BNC2: variants seen among roughly 807,000 people sequenced by gnomAD.
BNC2 encodes zinc finger protein basonuclin-2.
In BNC2, 20 loss-of-function variants were observed where a neutral mutation model predicts 76.3. That is an observed-to-expected ratio of 0.26 (90% CI 0.18 to 0.38). BNC2 has a LOEUF of 0.38. BNC2 is among the 10% of genes least tolerant of loss of function. The probability of loss-of-function intolerance (pLI) is 1.00; values close to 1 mark genes in which losing one functional copy is unlikely to be tolerated. For synonymous variants in BNC2, 582 were observed against 514.8 expected (o/e 1.13, Z -1.77); for missense variants, 1,382 against 1,399.8 (o/e 0.99, Z 0.20).
intron 1 of BNC2, among the ~76,000 whole-genome samples, chr9:16,865,682 C>G (rs887423152): frequency 2.6e-5 from 4 of 151,694 alleles, no homozygotes; most frequent in Non-Finnish European, 5.9e-5. Flanking sequence ...GAAAATAGAG[C>G]AAAAAGAACA....
intron 3 of BNC2, among the ~76,000 whole-genome samples, chr9:16,591,241 T>C (rs893778872): frequency 5.3e-5 from 8 of 152,194 alleles, no homozygotes; most frequent in African/African-American, 1.9e-4. Flanking sequence ...TAAGCTTACT[T>C]AAGACCAGCA....
At chr9:16,684,591 A>G (rs1364676581) in intron 3 of BNC2, among the ~76,000 whole-genome samples, 1 of 152,110 alleles carries the variant, frequency 6.6e-6, no homozygotes, top group Non-Finnish European at 1.5e-5. Context: ...CTAAATCAGT[A>G]AAAACGTTTT....
intron 4 of BNC2, among the ~76,000 whole-genome samples, chr9:16,553,567 A>T (rs1818730006): frequency 6.6e-6 from 1 of 152,260 alleles, no homozygotes; most frequent in Admixed American, 6.5e-5. Flanking sequence ...CAAATGACAA[A>T]CCAACATTTG....
intron 5 of BNC2, among the ~76,000 whole-genome samples, chr9:16,449,381 G>A (rs1036392375): frequency 7.9e-5 from 12 of 152,042 alleles, no homozygotes; most frequent in Non-Finnish European, 1.5e-4. Flanking sequence ...TCCCCCTAGC[G>A]CTTTGACAGA....
chr9:16,538,955 A>G (rs958177650), intron 5 of BNC2, among the ~76,000 whole-genome samples: 1 of 152,118 alleles, frequency 6.6e-6, no homozygotes, highest in African/African-American at 2.4e-5. Context: ...CCTTTCCCTT[A>G]ATTTAGCCTG....
At chr9:16,555,381 G>T (rs2132582439) in intron 4 of BNC2, among the ~76,000 whole-genome samples, 1 of 152,210 alleles carries the variant, frequency 6.6e-6, no homozygotes, top group Non-Finnish European at 1.5e-5. Flanking sequence ...GAAGAAAAGA[G>T]AATTAAAAGA....
chr9:16,526,530 G>C (rs1425579219), intron 5 of BNC2, among the ~76,000 whole-genome samples: 1 of 122,484 alleles, frequency 8.2e-6, no homozygotes, highest in Admixed American at 1.1e-4. Flanking sequence ...CATTTCCTGA[G>C]CCACGTCTGA....
chr9:16,598,032 T>C (rs1264494912), intron 3 of BNC2, among the ~76,000 whole-genome samples: 1 of 152,000 alleles, frequency 6.6e-6, no homozygotes, highest in Non-Finnish European at 1.5e-5. Context: ...GCCTGAAGAG[T>C]AAGAACCATA....
chr9:16,541,023 C>A (rs764065103), intron 5 of BNC2, among the ~76,000 whole-genome samples: 2 of 152,186 alleles, frequency 1.3e-5, no homozygotes, highest in Non-Finnish European at 2.9e-5. Context: ...AAGACAGGGC[C>A]ATCCTCTTCT....
chr9:16,684,385 T>G (rs77962191), intron 3 of BNC2, among the ~76,000 whole-genome samples: 1 of 152,122 alleles, frequency 6.6e-6, no homozygotes, highest in African/African-American at 2.4e-5. Context: ...ATCACAGACA[T>G]ACACCACCCA....
At chr9:16,494,124 A>G (rs1390425036) in intron 5 of BNC2, among the ~76,000 whole-genome samples, 1 of 152,166 alleles carries the variant, frequency 6.6e-6, no homozygotes, top group Non-Finnish European at 1.5e-5. Flanking sequence ...GACACACTAA[A>G]TAAAATACGA....
intron 1 of BNC2, among the ~76,000 whole-genome samples, chr9:16,820,973 C>A (rs1326980921): frequency 6.6e-6 from 1 of 151,932 alleles, no homozygotes; most frequent in East Asian, 1.9e-4. Flanking sequence ...GGCAGGAGCA[C>A]TGTAATCCCA....
chr9:16,769,920 T>C (rs1038384451), intron 1 of BNC2, among the ~76,000 whole-genome samples: 2 of 152,114 alleles, frequency 1.3e-5, no homozygotes, highest in Non-Finnish European at 2.9e-5. Context: ...CCAGGATAAG[T>C]GGAGCCCTCC....
intron 1 of BNC2, among the ~76,000 whole-genome samples, chr9:16,807,038 T>C (rs74981790): frequency 1.6e-4 from 24 of 152,324 alleles, no homozygotes; most frequent in African/African-American, 5.8e-4. Flanking sequence ...CAATGTAATG[T>C]TAAGCAGATT....
intron 4 of BNC2, among the ~76,000 whole-genome samples, chr9:16,577,576 C>A (rs1056493823): frequency 2.6e-5 from 4 of 151,748 alleles, no homozygotes; most frequent in African/African-American, 9.7e-5. Context: ...TGATGTAGAC[C>A]AGGTCTGCTT....
chr9:16,662,397 G>A (rs1822134993), intron 3 of BNC2, among the ~76,000 whole-genome samples: 1 of 152,148 alleles, frequency 6.6e-6, no homozygotes, highest in African/African-American at 2.4e-5. Context: ...TGATTACAAT[G>A]AGGCATGGTC....
At chr9:16,678,967 G>A (rs533055649) in intron 3 of BNC2, among the ~76,000 whole-genome samples, 24 of 152,250 alleles carry the variant, frequency 1.6e-4, no homozygotes, top group African/African-American at 5.8e-4. Flanking sequence ...CAAGATAGTT[G>A]TTTTTAATAG....
Position 16,421,337 on chromosome 9 carries a change from G to GAGAGAAAGAA in BNC2, c.2640-1698_2640-1689dup, listed in dbSNP as rs769101101. ...AGAAAGCAAGAATAAGAGACAGAGA[G>GAGAGAAAGAA]AGAGAAAGAAAGAGAAAGAGAGAGA... On this transcript the variant is annotated intron_variant, in intron 6 of 6. Transcript: ENST00000380672. 14 of 1,222,796 alleles carry GAGAGAAAGAA rather than the reference G, an allele frequency of 1.1e-5. No individual in the cohort carries two copies. The South Asian group carries it at 1.4e-4, about 12-fold the overall frequency. The allele number at this position is 1,222,796 out of a possible 1,614,324, so 75.7% of individuals were successfully genotyped here.
chr9:16,790,085 C>T (rs760588148), intron 1 of BNC2, among the ~76,000 whole-genome samples: 21 of 152,140 alleles, frequency 1.4e-4, no homozygotes, highest in Non-Finnish European at 2.2e-4. Flanking sequence ...CTGCAAGCTC[C>T]GCCTCCCAGG....
Sources: gnomAD v4.1 joint callset for allele counts (sites outside exome capture counted in the v4.1 genomes callset) on GRCh38, gnomAD v4.1.1 for gene constraint, MANE v1.5 for transcripts, NCBI Gene and HGNC (gene_info 2026-07-23, HGNC 2026-07-21) for gene names.